PTK2B: variants seen among roughly 807,000 people sequenced by gnomAD.
The protein encoded by PTK2B is protein tyrosine kinase 2 beta, also known as protein-tyrosine kinase 2-beta.
In PTK2B, 71 loss-of-function variants were observed where a neutral mutation model predicts 142.9. The observed-to-expected ratio is 0.50, with a 90% CI of 0.41 to 0.61. The LOEUF (loss-of-function observed/expected upper bound fraction) is 0.61. PTK2B is among the 20% of genes least tolerant of loss of function. The probability of loss-of-function intolerance (pLI) is 0.00; values close to 1 mark genes in which losing one functional copy is unlikely to be tolerated. For missense variants in PTK2B, 1,105 were observed against 1,320.4 expected (o/e 0.84, Z 2.53); for synonymous variants, 519 against 503.4 (o/e 1.03, Z -0.42).
chr8:27,423,168 A>T (rs781036911), intron 5 of PTK2B, among the ~76,000 whole-genome samples: 1 of 152,172 alleles, frequency 6.6e-6, no homozygotes, highest in South Asian at 2.1e-4. Flanking sequence ...TGTTAGAATG[A>T]CATAATTAGA....
intron 1 of PTK2B, among the ~76,000 whole-genome samples, chr8:27,388,213 C>T (rs978088980): frequency 6.6e-6 from 1 of 152,142 alleles, no homozygotes; most frequent in Admixed American, 6.5e-5. Context: ...CATCATGGTA[C>T]CAAATTTCTC....
At chr8:27,453,737 T>A (rs904191319) in intron 28 of PTK2B, among the ~76,000 whole-genome samples, 3 of 152,066 alleles carry the variant, frequency 2.0e-5, no homozygotes, top group African/African-American at 4.8e-5. Flanking sequence ...TAAAAAAGAT[T>A]AGCTGGACTT....
At chr8:27,440,836 C>T (rs1056069035) in intron 21 of PTK2B, among the ~76,000 whole-genome samples, 2 of 152,206 alleles carry the variant, frequency 1.3e-5, no homozygotes, top group Non-Finnish European at 2.9e-5. Flanking sequence ...AGGGAGTGAT[C>T]TTTGACCTGT....
At chr8:27,313,671 G>C (rs1432723143) in intron 3 of PTK2B, among the ~76,000 whole-genome samples, 1 of 152,120 alleles carries the variant, frequency 6.6e-6, no homozygotes, top group Non-Finnish European at 1.5e-5. Flanking sequence ...ATGCCCATCT[G>C]AGGCTTTCTT....
intron 18 of PTK2B, among the ~76,000 whole-genome samples, 176 bp from the exon 19 acceptor site, chr8:27,438,855 G>A (rs1810968437): frequency 6.6e-6 from 1 of 152,224 alleles, no homozygotes; most frequent in Non-Finnish European, 1.5e-5. Context: ...GAGGTGTGCT[G>A]TGGCAAGACC....
chr8:27,443,082 A>C, intron 22 of PTK2B, 99 bp downstream of exon 22: 1 of 724,994 alleles, frequency 1.4e-6, no homozygotes, highest in Non-Finnish European at 2.4e-6. Context: ...GATGCCCCCT[A>C]CAGCCCTTTC....
chr8:27,343,503 A>G (rs1001247424), intron 1 of PTK2B, among the ~76,000 whole-genome samples: 5 of 152,170 alleles, frequency 3.3e-5, no homozygotes, highest in African/African-American at 9.7e-5. Flanking sequence ...GTTCCAGATA[A>G]CTGTCTGGGA....
chr8:27,327,931 AC>A (rs1803517832), intron 1 of PTK2B, among the ~76,000 whole-genome samples: 4 of 152,212 alleles, frequency 2.6e-5, no homozygotes, highest in Admixed American at 2.6e-4. Flanking sequence ...CAACACCTTC[AC>A]AGGGTTGAGC....
chr8:27,316,558 T>C (rs868071842), intron 3 of PTK2B, among the ~76,000 whole-genome samples: 40 of 152,214 alleles, frequency 2.6e-4, no homozygotes, highest in African/African-American at 9.2e-4. Context: ...CAACAGTTGC[T>C]AAATAAAGTC....
chr8:27,360,066 T>C (rs1379101086), intron 1 of PTK2B, among the ~76,000 whole-genome samples: 1 of 152,214 alleles, frequency 6.6e-6, no homozygotes, highest in Non-Finnish European at 1.5e-5. Flanking sequence ...AAGATGTCTT[T>C]GTTATGGTTT....
At chr8:27,356,209 T>C (rs1805383351) in intron 1 of PTK2B, among the ~76,000 whole-genome samples, 1 of 152,090 alleles carries the variant, frequency 6.6e-6, no homozygotes, top group Admixed American at 6.5e-5. Flanking sequence ...TGATCGCAGG[T>C]TGGGGTGGCC....
chr8:27,374,376 G>T (rs534292247), intron 1 of PTK2B, among the ~76,000 whole-genome samples: 1 of 152,228 alleles, frequency 6.6e-6, no homozygotes, highest in Admixed American at 6.5e-5. Context: ...GAAGAAGTTC[G>T]CATTCACAGA....
chr8:27,376,876 T>A (rs978572436), intron 1 of PTK2B, among the ~76,000 whole-genome samples: 1 of 152,166 alleles, frequency 6.6e-6, no homozygotes. Flanking sequence ...GTCTATGGAG[T>A]AGCCATTCTC....
At chr8:27,319,176 A>G (rs561045032) in intron 3 of PTK2B, among the ~76,000 whole-genome samples, 1 of 152,198 alleles carries the variant, frequency 6.6e-6, no homozygotes, top group Admixed American at 6.5e-5. Context: ...AAATGCACTC[A>G]ATATTTTAGA....
At chr8:27,345,217 T>C (rs1804644696) in intron 1 of PTK2B, among the ~76,000 whole-genome samples, 1 of 152,224 alleles carries the variant, frequency 6.6e-6, no homozygotes, top group South Asian at 2.1e-4. Flanking sequence ...ACTACTTCTT[T>C]GGCTTCCTCC....
chr8:27,373,018 A>G (rs1312555127), intron 1 of PTK2B, among the ~76,000 whole-genome samples: 1 of 152,140 alleles, frequency 6.6e-6, no homozygotes, highest in Non-Finnish European at 1.5e-5. Context: ...TCATAAGGCA[A>G]GCATCAGCTG....
intron 4 of PTK2B, 41 bp downstream of exon 4, chr8:27,420,785 C>A: frequency 6.6e-7 from 1 of 1,525,504 alleles, no homozygotes; most frequent in Non-Finnish European, 9.1e-7. Context: ...GCTCCCATTA[C>A]ACCTCAAATG....
chr8:27,346,315 C>T (rs967524550), intron 1 of PTK2B, among the ~76,000 whole-genome samples: 1 of 152,088 alleles, frequency 6.6e-6, no homozygotes, highest in African/African-American at 2.4e-5. Context: ...GTAGGCAGAT[C>T]GTTTGAACCA....
chr8:27,382,335 C>T lies in PTK2B; in HGVS notation c.-37-15213C>T, dbSNP rs550486712. Among the ~76,000 whole-genome samples, 279 of 152,208 alleles carry T rather than the reference C, an allele frequency of 1.8e-3. 3 individuals are homozygous for T. Among genetic ancestry groups the T allele is most frequent in the Middle Eastern group, 0.017 (5 of 294 alleles). On this transcript the variant is annotated intron_variant, in intron 1 of 30. Coordinates refer to ENST00000346049, the MANE Select transcript of PTK2B (RefSeq NM_173176.3). ...ATTTACCATTGAGTTGTTTGAGTTC[C>T]TCATGTATCCTGGATATCAGTCCCT...
Sources: gnomAD v4.1 joint callset for allele counts (sites outside exome capture counted in the v4.1 genomes callset) on GRCh38, gnomAD v4.1.1 for gene constraint, MANE v1.5 for transcripts, NCBI Gene and HGNC (gene_info 2026-07-23, HGNC 2026-07-21) for gene names.